Variants in GFPT2 observed in about 807,000 individuals in gnomAD.
The protein encoded by GFPT2 is glutamine--fructose-6-phosphate transaminase 2, also known as glutamine--fructose-6-phosphate aminotransferase [isomerizing] 2.
GFPT2 carries 62 observed loss-of-function variants against 85.6 expected under a neutral mutation model. That is an observed-to-expected ratio of 0.72 (90% CI 0.59 to 0.90). GFPT2 has a LOEUF of 0.90. Ranked by LOEUF, GFPT2 falls within the 40% of genes least tolerant of loss-of-function variation. The pLI, the probability that GFPT2 is intolerant of heterozygous loss-of-function variation, is 0.00. For synonymous variants in GFPT2, 368 were observed against 344.5 expected, an observed-to-expected ratio of 1.07 and a Z score of -0.75; for missense variants, 788 against 893.4, an observed-to-expected ratio of 0.88 and a Z score of 1.50.
At position 180,323,559 on chromosome 5, in the gene GFPT2, TGA is replaced by T. The variant is rs1764161450; in HGVS notation, c.794+627_794+628del. 6.6e-6 allele frequency among the ~76,000 whole-genome samples: 1 copy of T among 152,096 alleles called. No homozygotes were observed. The highest frequency in any genetic ancestry group is 1.5e-5 in the Non-Finnish European group (1 of 68,022). ...CCCTCTCTCTCTCTCTGTGTGTGTGTGAGTGTGTGTATAACTTTTTTTTTTTC... is the reference window on the plus strand; with the variant it reads ...CCCTCTCTCTCTCTCTGTGTGTGTGTGTGTGTGTATAACTTTTTTTTTTTC... On this transcript the variant is annotated intron_variant, in intron 9 of 18. Transcript: ENST00000253778. This position sits in a 1 kb window ranked among gnomAD's most constrained non-coding sequence, Gnocchi z 4.0.
intron 1 of GFPT2, among the ~76,000 whole-genome samples, chr5:180,349,645 G>T (rs940329624): frequency 6.6e-6 from 1 of 152,068 alleles, no homozygotes; most frequent in Non-Finnish European, 1.5e-5. Flanking sequence ...CTCTGGAGGA[G>T]GCTCAGCCCT....
At chr5:180,329,707 T>C (rs1374898902) in intron 6 of GFPT2, among the ~76,000 whole-genome samples, 2 of 152,212 alleles carry the variant, frequency 1.3e-5, no homozygotes. Flanking sequence ...GGATGGTGCC[T>C]GCCAGATGTT....
chr5:180,318,716 C>A lies in GFPT2; in HGVS notation c.958+77G>T. ...AGGAGGGCTGTGGCCTCTACTAGGACCAGGCAGAGTGTCAGGAGCTCCACC... is the reference window on the plus strand; with the variant it reads ...AGGAGGGCTGTGGCCTCTACTAGGAACAGGCAGAGTGTCAGGAGCTCCACC... On this transcript the variant is annotated intron_variant, in intron 10 of 18. Transcript: ENST00000253778. The surrounding 1 kb of genome is among the most constrained non-coding windows in gnomAD (Gnocchi z 4.2). 7.8e-7 allele frequency: 1 copy of A among 1,276,800 alleles called. No individual in the cohort carries two copies. The highest frequency in any genetic ancestry group is 1.1e-6 in the Non-Finnish European group (1 of 901,884). 79.1% of individuals were successfully genotyped at this position (1,276,800 alleles called of 1,614,324 possible).
At chr5:180,329,379 C>T (rs963926860) in intron 6 of GFPT2, among the ~76,000 whole-genome samples, 22 of 152,274 alleles carry the variant, frequency 1.4e-4, no homozygotes, top group African/African-American at 4.6e-4. Flanking sequence ...AAACACTGCA[C>T]GTTCTCTGCC....
At chr5:180,345,326 C>T (rs749696353) in intron 1 of GFPT2, among the ~76,000 whole-genome samples, 14 of 152,276 alleles carry the variant, frequency 9.2e-5, no homozygotes, top group Admixed American at 7.8e-4. Context: ...CACAAGGCCG[C>T]GTTGCTGTAC....
intron 9 of GFPT2, among the ~76,000 whole-genome samples, chr5:180,319,861 G>C (rs941880339): frequency 3.9e-5 from 6 of 152,080 alleles, no homozygotes; most frequent in African/African-American, 7.2e-5. Flanking sequence ...GTTGCACTCA[G>C]CAAAACCCAG....
chr5:180,341,222 A>C (rs1473603289), intron 1 of GFPT2, among the ~76,000 whole-genome samples: 9 of 152,162 alleles, frequency 5.9e-5, no homozygotes, highest in Admixed American at 5.9e-4. Flanking sequence ...AAGAAGGTTT[A>C]TTTTCCCAAC....
At chr5:180,313,509 G>T (rs893679013) in intron 14 of GFPT2, among the ~76,000 whole-genome samples, 6 of 151,640 alleles carry the variant, frequency 4.0e-5, no homozygotes, top group Non-Finnish European at 7.4e-5. Flanking sequence ...AGAATGGCGT[G>T]AACCCGGGAG....
In GFPT2 at chr5:180,336,560, TC is replaced by T; in HGVS notation, c.132del (p.Asn45IlefsTer34). The T allele has an allele frequency of 6.2e-7, 1 of 1,608,336 alleles. No homozygotes were observed. The highest frequency in any genetic ancestry group is 8.5e-7 in the Non-Finnish European group (1 of 1,174,662). ...GYDSAGVAID[G>X]NNHEVKERHI... The stretch of plus-strand genomic sequence containing the variant: ...TGTCTTTCTTTGACTTCGTGATTAT[TC>T]CCATCGATCGCCACACCTGTGATGT... On this transcript the variant is annotated frameshift_variant, in exon 3 of 19. Coordinates refer to ENST00000253778, the MANE Select transcript of GFPT2 (RefSeq NM_005110.4). LOFTEE classifies it high-confidence loss of function.
At chr5:180,329,799 G>A (rs1028257631) in intron 6 of GFPT2, among the ~76,000 whole-genome samples, 3 of 152,224 alleles carry the variant, frequency 2.0e-5, no homozygotes, top group African/African-American at 7.2e-5. Flanking sequence ...GATGGGCTCT[G>A]AGAGGCCCGG....
At chr5:180,327,991 G>A (rs903509783) in intron 7 of GFPT2, among the ~76,000 whole-genome samples, 2 of 151,996 alleles carry the variant, frequency 1.3e-5, no homozygotes, top group East Asian at 1.9e-4. Context: ...CTGTCTGTAC[G>A]ATTTTATTTA....
intron 5 of GFPT2, 161 bp downstream of exon 5, chr5:180,331,334 G>T: frequency 1.6e-6 from 1 of 612,742 alleles, no homozygotes. Flanking sequence ...GCAGGGCCTG[G>T]CTCAGCCAAG....
chr5:180,316,660 A>G lies in GFPT2; in HGVS notation c.1152+104T>C. ...CACGCTAGCTCATGGGAATGGGTAC[A>G]AGGGCTTAGCCAAATTCAGAAGGCC... On this transcript the variant is annotated intron_variant, in intron 12 of 18. Transcript: ENST00000253778. 7.3e-6 allele frequency: 7 copies of G among 957,300 alleles called. No individual in the cohort carries two copies. In the South Asian group the frequency reaches 1.1e-4, roughly 15 times the overall value. 59.3% of individuals were successfully genotyped at this position (957,300 alleles called of 1,614,324 possible).
chr5:180,344,801 G>A (rs1051666985), intron 1 of GFPT2, among the ~76,000 whole-genome samples: 2 of 151,422 alleles, frequency 1.3e-5, no homozygotes, highest in South Asian at 2.1e-4. Flanking sequence ...AAGAGGGGCC[G>A]GGCCCACCTG....
At chr5:180,336,604 T>G (rs1460218396) in intron 2 of GFPT2, 27 bp from the exon 3 acceptor site, 1 of 1,449,512 alleles carries the variant, frequency 6.9e-7, no homozygotes, top group East Asian at 2.3e-5. Flanking sequence ...ATTTGTTATA[T>G]TGCAACCAAA....
chr5:180,347,857 G>A (rs1764639095), intron 1 of GFPT2, among the ~76,000 whole-genome samples: 1 of 152,170 alleles, frequency 6.6e-6, no homozygotes, highest in Non-Finnish European at 1.5e-5. Context: ...CCTGGGGGAT[G>A]GGGAAGACAC....
rs551996108 is a variant in GFPT2, at chr5:180,316,790, C to T, written c.1126G>A (p.Gly376Arg). The change falls in exon 12 of 19, where the codon GGA becomes AGA. Residue 376 changes from glycine (G) to arginine (R), a missense_variant. Gly to Arg is a moderately radical substitution (Grantham distance 125, BLOSUM62 -2). Coordinates refer to ENST00000253778, the MANE Select transcript of GFPT2 (RefSeq NM_005110.4). ...GCCACGGCAGCGTGGTAGCTGGTTCCACAGCCAATCACGATGAGCCGTCGG... is the reference window on the plus strand; with the variant it reads ...GCCACGGCAGCGTGGTAGCTGGTTCTACAGCCAATCACGATGAGCCGTCGG... ...RCRRLIVIGCGTSYHAAVATR... is the reference protein window; with the variant it reads ...RCRRLIVIGCRTSYHAAVATR... 18 of 1,613,588 alleles carry T rather than the reference C, an allele frequency of 1.1e-5. No individual in the cohort carries two copies. The highest frequency in any genetic ancestry group is 1.4e-5 in the Non-Finnish European group (16 of 1,179,658).
chr5:180,303,541 C>T (rs1763720000), intron 17 of GFPT2, among the ~76,000 whole-genome samples: 1 of 152,214 alleles, frequency 6.6e-6, no homozygotes, highest in Non-Finnish European at 1.5e-5. Flanking sequence ...GACTGTGGGT[C>T]TCTGTGGCTT....
chr5:180,309,703 C>G (rs1345426200), intron 15 of GFPT2, among the ~76,000 whole-genome samples: 1 of 152,016 alleles, frequency 6.6e-6, no homozygotes, highest in Non-Finnish European at 1.5e-5. Context: ...TGAGCCACCA[C>G]GCCTGGCCCC....
Sources: gnomAD v4.1 joint callset for allele counts (sites outside exome capture counted in the v4.1 genomes callset) on GRCh38, gnomAD v4.1.1 for gene constraint, Gnocchi (gnomAD v3.1) non-coding constraint, MANE v1.5 for transcripts, NCBI Gene and HGNC (gene_info 2026-07-23, HGNC 2026-07-21) for gene names.